Variants in CGA observed in about 807,000 individuals in gnomAD.
CGA encodes glycoprotein hormones alpha chain.
CGA carries 4 observed loss-of-function variants against 12.0 expected under a neutral mutation model. The ratio of observed to expected loss-of-function variants is 0.33; its 90% CI spans 0.16 to 0.76. The LOEUF (loss-of-function observed/expected upper bound fraction) is 0.76, where lower values mean the gene tolerates loss of function less well. Ranked by LOEUF, CGA falls within the 30% of genes least tolerant of loss-of-function variation. The pLI is 0.60. For missense variants in CGA, 102 were observed against 143.5 expected (o/e 0.71, Z 1.48); for synonymous variants, 60 against 56.6 (o/e 1.06, Z -0.27).
chr6:87,088,702 A>G (rs1277343887), intron 1 of CGA, among the ~76,000 whole-genome samples: 1 of 152,208 alleles, frequency 6.6e-6, no homozygotes, highest in East Asian at 1.9e-4. Flanking sequence ...ACAATGACAT[A>G]TTACATATCT....
chr6:87,089,847 G>C (rs1461820425), intron 1 of CGA, among the ~76,000 whole-genome samples: 1 of 152,072 alleles, frequency 6.6e-6, no homozygotes, highest in African/African-American at 2.4e-5. Context: ...GTACTTAACA[G>C]AAACTTTGTT....
At chr6:87,089,205 T>C (rs1186440380) in intron 1 of CGA, 2 of 152,128 alleles carry the variant, frequency 1.3e-5, no homozygotes, top group South Asian at 2.1e-4. Context: ...AGAGAATAGA[T>C]TAATGGTTTC....
At chr6:87,088,601 T>C (rs1392216419) in intron 1 of CGA, among the ~76,000 whole-genome samples, 1 of 152,088 alleles carries the variant, frequency 6.6e-6, no homozygotes, top group Non-Finnish European at 1.5e-5. Context: ...TATAAACTTA[T>C]ATATGAGATA....
chr6:87,094,162 A>G (rs1176775314), intron 1 of CGA, among the ~76,000 whole-genome samples: 3 of 152,194 alleles, frequency 2.0e-5, no homozygotes, highest in African/African-American at 7.2e-5. Flanking sequence ...GAAACAAAAT[A>G]TCTACAGAGA....
At chr6:87,092,109 G>C (rs1005778073) in intron 1 of CGA, among the ~76,000 whole-genome samples, 1 of 150,674 alleles carries the variant, frequency 6.6e-6, no homozygotes, top group African/African-American at 2.4e-5. Flanking sequence ...AATAAAAACA[G>C]AGCAGAGGAG....
intron 1 of CGA, among the ~76,000 whole-genome samples, chr6:87,088,597 C>T (rs943122438): frequency 1.4e-4 from 21 of 151,754 alleles, no homozygotes; most frequent in Non-Finnish European, 2.2e-4. Context: ...TATATATAAA[C>T]TTATATATGA....
intron 1 of CGA, among the ~76,000 whole-genome samples, chr6:87,090,200 T>G (rs1436286559): frequency 6.6e-6 from 1 of 152,194 alleles, no homozygotes; most frequent in Non-Finnish European, 1.5e-5. Flanking sequence ...TTGTTCTAAG[T>G]CAGTGGTTCT....
chr6:87,089,167 A>T (rs950792354), intron 1 of CGA: 1 of 152,200 alleles, frequency 6.6e-6, no homozygotes, highest in South Asian at 2.1e-4. Flanking sequence ...TTTATATAAC[A>T]CTGTGGAAAT....
At chr6:87,087,249 A>C (rs1323984451) in intron 2 of CGA, among the ~76,000 whole-genome samples, 1 of 152,248 alleles carries the variant, frequency 6.6e-6, no homozygotes, top group Non-Finnish European at 1.5e-5. Context: ...TAATATTTAT[A>C]CTGATTAATG....
At chr6:87,088,504 T>A (rs973585421) in intron 1 of CGA, among the ~76,000 whole-genome samples, 1 of 152,132 alleles carries the variant, frequency 6.6e-6, no homozygotes, top group African/African-American at 2.4e-5. Context: ...ATTTAAATTT[T>A]AAATTATCTG....
intron 1 of CGA, among the ~76,000 whole-genome samples, chr6:87,090,637 A>ATTTTT (rs147883019): frequency 0.015 from 1,880 of 124,026 alleles, 70 homozygotes; most frequent in Middle Eastern, 0.031. Context: ...CTCTTCAATA[A>ATTTTT]TTTTTTTTTT....
intron 1 of CGA, among the ~76,000 whole-genome samples, chr6:87,089,594 AG>A (rs926986220): frequency 2.0e-5 from 3 of 152,228 alleles, no homozygotes; most frequent in African/African-American, 7.2e-5. Context: ...TGAGGTTTAA[AG>A]GTACATATGA....
At position 87,088,225 on chromosome 6, in the gene CGA, A is replaced by G; in HGVS notation, c.-7-18T>C. ...TGGCGCTCCTGCAGACAGACATGGCAAAAAAAAAAAAACAAAAAACAGTTA... is the reference window on the plus strand; with the variant it reads ...TGGCGCTCCTGCAGACAGACATGGCGAAAAAAAAAAAACAAAAAACAGTTA... On this transcript the variant is annotated intron_variant, in intron 1 of 3. Transcript: ENST00000627148. 1 of 369,014 alleles carries G rather than the reference A, an allele frequency of 2.7e-6. No individual in the cohort carries two copies. Among genetic ancestry groups the G allele is most frequent in the Non-Finnish European group, 3.7e-6 (1 of 269,534 alleles). 22.9% of individuals were successfully genotyped at this position (369,014 alleles called of 1,614,324 possible). A position where few individuals can be genotyped will look rare whatever the true frequency, so the allele number is the denominator to read the frequency against.
chr6:87,092,012 AAAAG>A (rs749262771), intron 1 of CGA, among the ~76,000 whole-genome samples: 7 of 152,282 alleles, frequency 4.6e-5, no homozygotes, highest in South Asian at 2.1e-4. Flanking sequence ...CTCCGTCTCA[AAAAG>A]AAAGAAAGAA....
chr6:87,090,055 T>C (rs983022415), intron 1 of CGA, among the ~76,000 whole-genome samples: 1 of 152,180 alleles, frequency 6.6e-6, no homozygotes, highest in Non-Finnish European at 1.5e-5. Flanking sequence ...ATACTCAACC[T>C]GTATAGAAAT....
At chr6:87,094,400 G>A (rs1477853297) in intron 1 of CGA, among the ~76,000 whole-genome samples, 1 of 152,076 alleles carries the variant, frequency 6.6e-6, no homozygotes, top group Non-Finnish European at 1.5e-5. Flanking sequence ...ATTAGACTTG[G>A]GCAAGTGACT....
rs1769512935 is a variant in CGA, at chr6:87,095,039, G to A, written c.-34C>T. The A allele has an allele frequency of 6.6e-6, 1 of 152,208 alleles. No homozygotes were observed. The highest frequency in any genetic ancestry group is 2.4e-5 in the African/African-American group (1 of 41,444). The allele number at this position is 152,208 out of a possible 1,614,324, so 9.4% of individuals were successfully genotyped here. A position where few individuals can be genotyped will look rare whatever the true frequency, so the allele number is the denominator to read the frequency against. On this transcript the variant is annotated 5_prime_UTR_variant, in exon 1 of 4. Coordinates refer to ENST00000627148, the MANE Select transcript of CGA (RefSeq NM_000735.4). The stretch of plus-strand genomic sequence containing the variant: ...TTTCTCTGGGCTTTTTGCAGGATGT[G>A]TTCAGGGCGGTTGACTGTGGATCCG...
intron 1 of CGA, chr6:87,089,156 A>G (rs996933779): frequency 6.6e-6 from 1 of 152,218 alleles, no homozygotes; most frequent in Non-Finnish European, 1.5e-5. Context: ...ATATGATTCC[A>G]TTTATATAAC....
At chr6:87,091,987 T>C (rs530134294) in intron 1 of CGA, among the ~76,000 whole-genome samples, 3 of 151,976 alleles carry the variant, frequency 2.0e-5, no homozygotes, top group Non-Finnish European at 4.4e-5. Flanking sequence ...CACTCTACCC[T>C]GGGCAACAGA....
Sources: gnomAD v4.1 joint callset for allele counts (sites outside exome capture counted in the v4.1 genomes callset) on GRCh38, gnomAD v4.1.1 for gene constraint, MANE v1.5 for transcripts, NCBI Gene and HGNC (gene_info 2026-07-23, HGNC 2026-07-21) for gene names.